The following EYS variants were observed in gnomAD, a reference collection of about 807,000 sequenced individuals.
The protein encoded by EYS is EGF-like photoreceptor maintenance factor.
Under a neutral mutation model 282.1 loss-of-function variants are expected in EYS, and 250 were observed. The observed-to-expected ratio is 0.89, with a 90% CI of 0.80 to 0.98. The LOEUF (loss-of-function observed/expected upper bound fraction) is 0.98, where lower values mean the gene tolerates loss of function less well. EYS is among the 50% of genes least tolerant of loss of function. EYS has a pLI of 0.00. For missense variants in EYS, 4,016 were observed against 3,709.0 expected, an observed-to-expected ratio of 1.08 and a Z score of -2.15; for synonymous variants, 1,355 against 1,282.9, an observed-to-expected ratio of 1.06 and a Z score of -1.20.
chr6:64,111,454 T>C (rs1380829607), intron 31 of EYS, among the ~76,000 whole-genome samples: 2 of 151,906 alleles, frequency 1.3e-5, no homozygotes. Flanking sequence ...AAAAAGCAAA[T>C]GGGTGATGAT....
rs537695763 is a variant in EYS at position 65,524,222 on chromosome 6, A to G, written c.-332-28229T>C. Among the ~76,000 whole-genome samples the G allele has an allele frequency of 6.0e-5, 9 of 149,928 alleles. No individual in the cohort carries two copies. In the South Asian group the frequency reaches 1.7e-3, roughly 28 times the overall value. On this transcript the variant is annotated intron_variant, in intron 2 of 42. Transcript: ENST00000503581. The stretch of plus-strand genomic sequence containing the variant: ...CAGAATTAATCACCCTGGCCTGCAC[A>G]GTAACTCTCTTCTTTGTCTGTTTAT...
intron 11 of EYS, chr6:65,332,476 T>A: frequency 8.0e-7 from 1 of 1,257,840 alleles, no homozygotes; most frequent in Non-Finnish European, 1.1e-6. Context: ...AATATTTAAG[T>A]CTATGCATTA....
At chr6:64,553,705 T>C (rs1041503350) in intron 26 of EYS, among the ~76,000 whole-genome samples, 1 of 152,060 alleles carries the variant, frequency 6.6e-6, no homozygotes, top group African/African-American at 2.4e-5. Context: ...CACTCATAGG[T>C]CTTGGATTCT....
At chr6:65,038,827 T>A (rs928504593) in intron 13 of EYS, among the ~76,000 whole-genome samples, 1 of 151,372 alleles carries the variant, frequency 6.6e-6, no homozygotes, top group South Asian at 2.1e-4. Flanking sequence ...ATCATAAGAA[T>A]TTTTTACTTA....
chr6:65,223,210 A>G (rs942983206), intron 12 of EYS, among the ~76,000 whole-genome samples: 11 of 152,040 alleles, frequency 7.2e-5, no homozygotes, highest in Admixed American at 1.3e-4. Context: ...TCTACTAAAC[A>G]CAAAAAATTA....
chr6:63,726,068 G>GT (rs1269414502), intron 42 of EYS, among the ~76,000 whole-genome samples: 1 of 152,038 alleles, frequency 6.6e-6, no homozygotes, highest in African/African-American at 2.4e-5. Flanking sequence ...ATCCTAAAAT[G>GT]TTTTTGTAAG....
intron 12 of EYS, among the ~76,000 whole-genome samples, chr6:65,205,734 A>G (rs1766018836): frequency 6.6e-6 from 1 of 151,960 alleles, no homozygotes; most frequent in Non-Finnish European, 1.5e-5. Context: ...ATTACCAAGA[A>G]GAACTCTCAA....
At chr6:64,909,520 A>G (rs925705288) in intron 16 of EYS, among the ~76,000 whole-genome samples, 1 of 152,146 alleles carries the variant, frequency 6.6e-6, no homozygotes, top group Non-Finnish European at 1.5e-5. Flanking sequence ...AACTAATAAG[A>G]TTTTATATAA....
At chr6:63,875,469 G>A (rs1772943123) in intron 35 of EYS, among the ~76,000 whole-genome samples, 1 of 152,202 alleles carries the variant, frequency 6.6e-6, no homozygotes, top group African/African-American at 2.4e-5. Flanking sequence ...ATGGTATCAG[G>A]ATAATGTTGG....
intron 19 of EYS, among the ~76,000 whole-genome samples, chr6:64,833,009 T>A (rs1274802514): frequency 6.6e-6 from 1 of 151,926 alleles, no homozygotes; most frequent in African/African-American, 2.4e-5. Flanking sequence ...CATTAGACCC[T>A]GCCACATTCC....
chr6:64,667,245 G>T (rs983580436), intron 22 of EYS, among the ~76,000 whole-genome samples: 5 of 150,098 alleles, frequency 3.3e-5, no homozygotes, highest in African/African-American at 9.7e-5. Flanking sequence ...ATCATTTATT[G>T]GTATCTAAGT....
chr6:64,637,392 A>G lies in EYS; in HGVS notation c.3444-11147T>C, dbSNP rs1187795855. On this transcript the variant is annotated intron_variant, in intron 22 of 42. Transcript: ENST00000503581. The stretch of plus-strand genomic sequence containing the variant: ...CTCACTCATAGATGGGAATCGAACA[A>G]TGAGAACACATGGACACAGGAAGGG... 2.6e-5 allele frequency among the ~76,000 whole-genome samples: 2 copies of G among 76,744 alleles called. 1 individual carries two copies. The highest frequency in any genetic ancestry group is 6.2e-4 in the East Asian group (2 of 3,222). The allele number at this position is 76,744 out of a possible 152,430, so 50.3% of individuals were successfully genotyped here. A position where few individuals can be genotyped will look rare whatever the true frequency, so the allele number is the denominator to read the frequency against.
intron 1 of EYS, among the ~76,000 whole-genome samples, chr6:65,705,905 T>G (rs1733837132): frequency 6.6e-6 from 1 of 152,036 alleles, no homozygotes; most frequent in African/African-American, 2.4e-5. Context: ...AAACACACTT[T>G]ATCCACTAGT....
chr6:64,579,096 T>G (rs1765981227), intron 26 of EYS, among the ~76,000 whole-genome samples: 1 of 152,094 alleles, frequency 6.6e-6, no homozygotes, highest in Admixed American at 6.6e-5. Flanking sequence ...ATTAGGTATG[T>G]TGGTCCTACC....
rs1777249046 is a variant in EYS, at chr6:64,507,510, T to C, written c.5645-68158A>G. On this transcript the variant is annotated intron_variant, in intron 26 of 42. Transcript: ENST00000503581. Reference sequence around the variant, plus strand: ...GGCTATTCATCATATAAGGCATCTTTTGAAAGCTGAAGAGGGAATGAAGTG... The same window carrying C: ...GGCTATTCATCATATAAGGCATCTTCTGAAAGCTGAAGAGGGAATGAAGTG... Among the ~76,000 whole-genome samples, 3 of 152,208 alleles carry C rather than the reference T, an allele frequency of 2.0e-5. No homozygotes were observed. The South Asian group carries it at 6.2e-4, about 32-fold the overall frequency.
At chr6:65,052,606 G>A (rs1235889047) in intron 13 of EYS, among the ~76,000 whole-genome samples, 1 of 151,474 alleles carries the variant, frequency 6.6e-6, no homozygotes, top group African/African-American at 2.4e-5. Flanking sequence ...TCTGGATCCT[G>A]CTTTGCTACA....
chr6:65,084,394 T>C (rs771774359), intron 12 of EYS, among the ~76,000 whole-genome samples: 56 of 152,156 alleles, frequency 3.7e-4, no homozygotes, highest in Non-Finnish European at 2.1e-4. Context: ...AATCTTTAGA[T>C]TGTTAAATAT....
At chr6:65,139,264 G>A (rs1232096559) in intron 12 of EYS, among the ~76,000 whole-genome samples, 1 of 152,004 alleles carries the variant, frequency 6.6e-6, no homozygotes, top group Non-Finnish European at 1.5e-5. Context: ...AAAAAAGAAT[G>A]AGATCACATC....
chr6:65,705,074 G>T (rs754736069), intron 1 of EYS, among the ~76,000 whole-genome samples: 1 of 152,014 alleles, frequency 6.6e-6, no homozygotes, highest in Non-Finnish European at 1.5e-5. Context: ...ATTTATATCA[G>T]TTGGGCTAGC....
Sources: gnomAD v4.1 joint callset for allele counts (sites outside exome capture counted in the v4.1 genomes callset) on GRCh38, gnomAD v4.1.1 for gene constraint, MANE v1.5 for transcripts, NCBI Gene and HGNC (gene_info 2026-07-23, HGNC 2026-07-21) for gene names.